The following DUXA variants were observed in gnomAD, a reference collection of about 807,000 sequenced individuals.
DUXA encodes the protein double homeobox protein A.
In DUXA, 25 loss-of-function variants were observed where a neutral mutation model predicts 27.5. The ratio of observed to expected loss-of-function variants is 0.91; its 90% CI spans 0.66 to 1.27. The LOEUF is 1.27. DUXA is among the 50% of genes most tolerant of loss of function. The pLI, the probability that DUXA is intolerant of heterozygous loss-of-function variation, is 0.00. For missense variants in DUXA, 247 were observed against 242.9 expected, an observed-to-expected ratio of 1.02 and a Z score of -0.11; for synonymous variants, 90 against 80.5, an observed-to-expected ratio of 1.12 and a Z score of -0.63.
intron 1 of DUXA, 48 bp from the exon 2 acceptor site, chr19:57,160,845 T>A (rs1165012829): frequency 1.3e-6 from 2 of 1,598,638 alleles, no homozygotes; most frequent in Non-Finnish European, 1.7e-6. Flanking sequence ...TTAATTTATA[T>A]ACTCAAACTT....
Position 57,159,147 on chromosome 19 carries a change from G to T in DUXA, c.292+20C>A. The stretch of plus-strand genomic sequence containing the variant: ...CGTAGAGAAGCTCTGCTGGGGAACA[G>T]AACTAAGAGGGTTATTTACTTTGAA... On this transcript the variant is annotated intron_variant, in intron 3 of 5. Coordinates refer to ENST00000554048, the MANE Select transcript of DUXA (RefSeq NM_001012729.2). 6.2e-7 allele frequency: 1 copy of T among 1,604,350 alleles called. No homozygotes were observed. The highest frequency in any genetic ancestry group is 8.5e-7 in the Non-Finnish European group (1 of 1,173,792).
At chr19:57,158,936 A>ATT (rs2087006375) in intron 3 of DUXA, among the ~76,000 whole-genome samples, 1 of 152,148 alleles carries the variant, frequency 6.6e-6, no homozygotes, top group African/African-American at 2.4e-5. Context: ...GTGAGCCAAG[A>ATT]TCAAGCCACT....
chr19:57,167,196 T>C (rs1413121522), intron 1 of DUXA, among the ~76,000 whole-genome samples: 1 of 152,192 alleles, frequency 6.6e-6, no homozygotes, highest in Non-Finnish European at 1.5e-5. Context: ...ATATGTCTTA[T>C]TTAGTTCTTG....
chr19:57,158,237 C>T, intron 4 of DUXA, 91 bp downstream of exon 4: 2 of 1,451,718 alleles, frequency 1.4e-6, no homozygotes, highest in Non-Finnish European at 1.9e-6. Flanking sequence ...ATGTGCCCAG[C>T]ATGATGAGGA....
chr19:57,156,288 G>T (rs1216452847), intron 4 of DUXA, among the ~76,000 whole-genome samples: 1 of 151,906 alleles, frequency 6.6e-6, no homozygotes, highest in African/African-American at 2.4e-5. Context: ...CCTTCTTTGT[G>T]CCCATAGATT....
In DUXA at chr19:57,167,426, A is replaced by G. The variant is rs747309048; in HGVS notation, c.18T>C (p.Tyr6=). The change falls in exon 1 of 6, where the codon TAT becomes TAC. Residue 6 remains tyrosine, a synonymous_variant. Transcript: ENST00000554048. MAEDT[Y]SHKMVKTNHR... ...AAGCACAAGGGAACTTACTGTGTGA[A>G]TAGGTGTCTTCGGCCATGCTGGAAG... is the stretch of plus-strand genomic sequence containing the variant. The G allele has an allele frequency of 6.2e-7, 1 of 1,613,742 alleles. No individual in the cohort carries two copies. The highest frequency in any genetic ancestry group is 1.1e-5 in the South Asian group (1 of 90,966).
At chr19:57,155,432 T>C in intron 4 of DUXA, 60 bp from the exon 5 acceptor site, 1 of 1,307,140 alleles carries the variant, frequency 7.7e-7, no homozygotes, top group Non-Finnish European at 1.1e-6. Context: ...AACTCATGAT[T>C]GCTTTCTTCT....
chr19:57,155,872 T>C (rs77427410), intron 4 of DUXA, among the ~76,000 whole-genome samples: 8,194 of 152,150 alleles, frequency 0.054, 310 homozygotes, highest in Admixed American at 0.12. Context: ...TTTCACCATA[T>C]TGGCCAGGCT....
chr19:57,159,800 TAA>T (rs953633164), intron 2 of DUXA, among the ~76,000 whole-genome samples: 1 of 137,872 alleles, frequency 7.3e-6, no homozygotes. Flanking sequence ...ACAAAAAAGT[TAA>T]AAAAAAAAAA....
At chr19:57,165,310 A>G (rs1171756731) in intron 1 of DUXA, among the ~76,000 whole-genome samples, 1 of 69,492 alleles carries the variant, frequency 1.4e-5, no homozygotes, top group African/African-American at 7.3e-5. Context: ...CTGGAGTAGG[A>G]AAAAAAAAAA....
At chr19:57,165,322 A>ATATATATATATATATATAT (rs1484903570) in intron 1 of DUXA, among the ~76,000 whole-genome samples, 296 of 88,774 alleles carry the variant, frequency 3.3e-3, no homozygotes, top group Non-Finnish European at 4.6e-3. Context: ...AAAAAAAAAA[A>ATATATATATATATATATAT]AAATATATAT....
At chr19:57,165,559 A>G (rs1279745057) in intron 1 of DUXA, among the ~76,000 whole-genome samples, 1 of 151,364 alleles carries the variant, frequency 6.6e-6, no homozygotes, top group Non-Finnish European at 1.5e-5. Context: ...TAATCCCAGC[A>G]CTTTGGGAGG....
intron 2 of DUXA, 120 bp from the exon 3 acceptor site, chr19:57,159,398 G>T: frequency 1.1e-6 from 1 of 881,266 alleles, no homozygotes; most frequent in Non-Finnish European, 1.7e-6. Flanking sequence ...ACTTACTTCT[G>T]TCACATTCTA....
intron 4 of DUXA, among the ~76,000 whole-genome samples, chr19:57,156,592 G>A (rs1243656458): frequency 3.3e-5 from 5 of 152,034 alleles, no homozygotes; most frequent in South Asian, 4.2e-4. Context: ...TCATAGAGTT[G>A]TGGTCTCCCT....
intron 3 of DUXA, 124 bp downstream of exon 3, chr19:57,159,042 AC>A: frequency 1.4e-6 from 1 of 726,004 alleles, no homozygotes; most frequent in Non-Finnish European, 2.3e-6. Context: ...GGTACGATGA[AC>A]CCTTTGCCAC....
chr19:57,155,978 T>C (rs1440285724), intron 4 of DUXA, among the ~76,000 whole-genome samples: 1 of 152,080 alleles, frequency 6.6e-6, no homozygotes, highest in African/African-American at 2.4e-5. Flanking sequence ...CCAACATTAT[T>C]AACATTTTAT....
Position 57,154,296 on chromosome 19 carries a change from T to C in DUXA, c.*116A>G, listed in dbSNP as rs2086979428. On this transcript the variant is annotated 3_prime_UTR_variant, in exon 6 of 6. Transcript: ENST00000554048. ...ACCCACCACATCTGGCCAAGTCCTTTACCATCTTCAGAAGGCTTAGCTTGC... is the reference window on the plus strand; with the variant it reads ...ACCCACCACATCTGGCCAAGTCCTTCACCATCTTCAGAAGGCTTAGCTTGC... 4 of 970,790 alleles carry C rather than the reference T, an allele frequency of 4.1e-6. No individual in the cohort carries two copies. Among genetic ancestry groups the C allele is most frequent in the Non-Finnish European group, 6.3e-6 (4 of 636,036 alleles). The allele number at this position is 970,790 out of a possible 1,614,324, so 60.1% of individuals were successfully genotyped here.
intron 3 of DUXA, 31 bp downstream of exon 3, chr19:57,159,136 G>A: frequency 6.3e-7 from 1 of 1,583,662 alleles, no homozygotes; most frequent in African/African-American, 1.4e-5. Context: ...GAGAAGCTCT[G>A]CTGGGGAACA....
At chr19:57,165,722 A>ATG (rs1568465392) in intron 1 of DUXA, among the ~76,000 whole-genome samples, 9 of 147,134 alleles carry the variant, frequency 6.1e-5, no homozygotes, top group Non-Finnish European at 1.5e-5. Context: ...GGAGAATGGC[A>ATG]TGAACCCGGG....
Sources: gnomAD v4.1 joint callset for allele counts (sites outside exome capture counted in the v4.1 genomes callset) on GRCh38, gnomAD v4.1.1 for gene constraint, MANE v1.5 for transcripts, NCBI Gene and HGNC (gene_info 2026-07-23, HGNC 2026-07-21) for gene names.